Variants in GREM2 observed in about 807,000 individuals in gnomAD.
GREM2 encodes the protein gremlin 2, DAN family BMP antagonist, also known as gremlin-2.
In GREM2, 11 loss-of-function variants were observed where a neutral mutation model predicts 14.2. The ratio of observed to expected loss-of-function variants is 0.78; its 90% CI spans 0.49 to 1.28. The LOEUF is 1.28. Among genes scored for constraint, GREM2 ranks in the 50% most tolerant of loss-of-function variants. GREM2 has a pLI of 0.00. For missense variants in GREM2, 210 were observed against 218.5 expected, an observed-to-expected ratio of 0.96 and a Z score of 0.24; for synonymous variants, 98 against 97.6, an observed-to-expected ratio of 1.00 and a Z score of -0.02.
intron 1 of GREM2, among the ~76,000 whole-genome samples, chr1:240,590,087 T>C (rs1679675959): frequency 6.6e-6 from 1 of 152,216 alleles, no homozygotes; most frequent in Non-Finnish European, 1.5e-5. Flanking sequence ...AGTTTCCTTT[T>C]GCTTTGAACA....
intron 1 of GREM2, among the ~76,000 whole-genome samples, chr1:240,524,379 T>C (rs36052872): frequency 6.6e-6 from 1 of 152,346 alleles, no homozygotes; most frequent in South Asian, 2.1e-4. Context: ...GTAATTTTTT[T>C]AAATCTAGTT....
At chr1:240,526,730 CTGTTCCAAATTACAA>C (rs1323021715) in intron 1 of GREM2, among the ~76,000 whole-genome samples, 1 of 152,182 alleles carries the variant, frequency 6.6e-6, no homozygotes, top group Non-Finnish European at 1.5e-5. Context: ...TGTTCTTTTG[CTGTTCCAAATTACAA>C]TGTTCCAAAT....
chr1:240,526,036 G>T (rs563858637), intron 1 of GREM2, among the ~76,000 whole-genome samples: 1 of 152,104 alleles, frequency 6.6e-6, no homozygotes, highest in African/African-American at 2.4e-5. Flanking sequence ...GCCAAGAAAC[G>T]TACTCCTGCT....
chr1:240,549,336 CA>C (rs55943785), intron 1 of GREM2, among the ~76,000 whole-genome samples: 35,295 of 125,988 alleles, frequency 0.28, 7,281 homozygotes, highest in African/African-American at 0.6. Flanking sequence ...AACTCCATCT[CA>C]AAAAAAAAAA....
chr1:240,601,096 C>G (rs1018119139), intron 1 of GREM2, among the ~76,000 whole-genome samples: 3 of 152,196 alleles, frequency 2.0e-5, no homozygotes, highest in Admixed American at 2.0e-4. Context: ...CAGAAACATT[C>G]TGAAGACCTT....
rs1680151600 is a variant in GREM2 at position 240,612,092 on chromosome 1, C to G, written c.-210G>C. 6.5e-6 allele frequency: 1 copy of G among 152,690 alleles called. No homozygotes were observed. Among genetic ancestry groups the G allele is most frequent in the African/African-American group, 2.4e-5 (1 of 41,466 alleles). The allele number at this position is 152,690 out of a possible 1,614,324, so 9.5% of individuals were successfully genotyped here. On this transcript the variant is annotated 5_prime_UTR_variant, in exon 1 of 2. Transcript: ENST00000318160. Reference sequence around the variant, plus strand: ...GTGCAGGAGAGGCGAGAGCGCGCCCCGCGCCGCGCGGTCCCAGGCTGGCTG... The same window carrying G: ...GTGCAGGAGAGGCGAGAGCGCGCCCGGCGCCGCGCGGTCCCAGGCTGGCTG...
At chr1:240,523,555 TTTG>T (rs968433986) in intron 1 of GREM2, among the ~76,000 whole-genome samples, 2 of 152,190 alleles carry the variant, frequency 1.3e-5, no homozygotes, top group African/African-American at 2.4e-5. Flanking sequence ...ACTGTTTTTT[TTTG>T]TTGTTGTTGT....
chr1:240,580,606 A>T (rs1173647618), intron 1 of GREM2, among the ~76,000 whole-genome samples: 1 of 152,148 alleles, frequency 6.6e-6, no homozygotes, highest in Non-Finnish European at 1.5e-5. Flanking sequence ...ACAGCGTCTC[A>T]CTTTGTCACC....
intron 1 of GREM2, among the ~76,000 whole-genome samples, chr1:240,537,888 CA>C (rs1678507998): frequency 6.6e-6 from 1 of 152,194 alleles, no homozygotes; most frequent in African/African-American, 2.4e-5. Context: ...ACATACCATG[CA>C]AAATATCCAT....
At chr1:240,584,174 C>T (rs1163137354) in intron 1 of GREM2, among the ~76,000 whole-genome samples, 4 of 151,996 alleles carry the variant, frequency 2.6e-5, no homozygotes, top group Admixed American at 2.6e-4. Context: ...GCCTGGGCAA[C>T]ACAGTAAGAC....
chr1:240,608,779 T>A (rs116454382), intron 1 of GREM2, among the ~76,000 whole-genome samples: 1,579 of 152,304 alleles, frequency 0.01, 33 homozygotes, highest in African/African-American at 0.036. Context: ...CTGGATGGTG[T>A]GCCTTTACTA....
intron 1 of GREM2, among the ~76,000 whole-genome samples, chr1:240,541,749 C>T (rs945177043): frequency 1.3e-5 from 2 of 151,478 alleles, no homozygotes; most frequent in African/African-American, 4.9e-5. Context: ...AATTGAAGAA[C>T]TGATGCAATG....
intron 1 of GREM2, among the ~76,000 whole-genome samples, chr1:240,521,524 TGG>T (rs1328833111): frequency 4.5e-4 from 69 of 151,834 alleles, no homozygotes; most frequent in Admixed American, 9.2e-4. Context: ...TGAGCCGAGA[TGG>T]CACCACTGCA....
intron 1 of GREM2, among the ~76,000 whole-genome samples, chr1:240,588,254 C>G (rs954021457): frequency 6.6e-6 from 1 of 152,192 alleles, no homozygotes; most frequent in Non-Finnish European, 1.5e-5. Flanking sequence ...TAGAATGCAC[C>G]TTTTATTGAC....
intron 1 of GREM2, among the ~76,000 whole-genome samples, chr1:240,516,948 T>C (rs990349673): frequency 3.9e-5 from 6 of 152,166 alleles, no homozygotes; most frequent in Admixed American, 1.3e-4. Flanking sequence ...TCTCTAGTAC[T>C]TGTCACTAGT....
Position 240,493,183 on chromosome 1 carries a change from T to A in GREM2, c.293A>T (p.Tyr98Phe). The stretch of plus-strand genomic sequence containing the variant: ...GATGTAGAAGGAGTTGCACTGGCCG[T>A]AGCAGAAGCGGTTGAGGATGGTGCG... ...RSRTILNRFCYGQCNSFYIPR... is the reference protein window; with the variant it reads ...RSRTILNRFCFGQCNSFYIPR... Residue 98 changes from tyrosine (Y) to phenylalanine (F), a missense_variant, in exon 2 of 2, where the codon TAC becomes TTC. Tyr to Phe is a conservative substitution (Grantham distance 22, BLOSUM62 3). Coordinates refer to ENST00000318160, the MANE Select transcript of GREM2 (RefSeq NM_022469.4). 6.2e-7 allele frequency: 1 copy of A among 1,614,142 alleles called. No homozygotes were observed. Among genetic ancestry groups the A allele is most frequent in the African/African-American group, 1.3e-5 (1 of 75,058 alleles).
chr1:240,547,532 T>TATAGACAGATAGATAGATAGATAG (rs1553275860), intron 1 of GREM2, among the ~76,000 whole-genome samples: 26 of 121,874 alleles, frequency 2.1e-4, no homozygotes, highest in African/African-American at 8.1e-4. Flanking sequence ...TATATATATA[T>TATAGACAGATAGATAGATAGATAG]ATAGATAGAT....
chr1:240,495,039 A>T (rs1280254952), intron 1 of GREM2, among the ~76,000 whole-genome samples: 1 of 152,266 alleles, frequency 6.6e-6, no homozygotes, highest in Non-Finnish European at 1.5e-5. Flanking sequence ...GACAGAAATT[A>T]TTCTCATGCT....
intron 1 of GREM2, among the ~76,000 whole-genome samples, chr1:240,602,127 A>C (rs1679936642): frequency 6.6e-6 from 1 of 152,128 alleles, no homozygotes; most frequent in African/African-American, 2.4e-5. Flanking sequence ...TTAGGTACCA[A>C]ATAAAACACT....
Sources: allele counts gnomAD v4.1 joint callset (sites outside exome capture counted in the v4.1 genomes callset), GRCh38; gene constraint gnomAD v4.1.1; transcripts MANE v1.5; gene names NCBI Gene and HGNC (gene_info 2026-07-23, HGNC 2026-07-21).